Variants in SPATA13 observed in about 807,000 individuals in gnomAD.
The protein encoded by SPATA13 is spermatogenesis associated 13.
Under a neutral mutation model 104.0 loss-of-function variants are expected in SPATA13, and 50 were observed. The observed-to-expected ratio is 0.48, with a 90% CI of 0.38 to 0.61. The LOEUF (loss-of-function observed/expected upper bound fraction) is 0.61. Among genes scored for constraint, SPATA13 ranks in the 20% least tolerant of loss-of-function variants. SPATA13 has a pLI of 0.00. For missense variants in SPATA13, 1,524 were observed against 1,690.6 expected (o/e 0.90, Z 1.73); for synonymous variants, 606 against 667.5 (o/e 0.91, Z 1.42).
chr13:24,155,154 T>C (rs961439030), intron 3 of SPATA13, among the ~76,000 whole-genome samples: 8 of 152,156 alleles, frequency 5.3e-5, no homozygotes, highest in Non-Finnish European at 8.8e-5. Flanking sequence ...GGTTGGTTAT[T>C]ATTATTTCTA....
In SPATA13 at chr13:24,251,744, T is replaced by A. The variant is rs909101372; in HGVS notation, c.2046T>A (p.Ala682=). The change falls in exon 4 of 13, where the codon GCT becomes GCA. Residue 682 remains alanine, a synonymous_variant. Coordinates refer to ENST00000382108, the MANE Select transcript of SPATA13 (RefSeq NM_001166271.3). ...TQPASRPPMP[A]HQVPPYKAVS... The stretch of plus-strand genomic sequence containing the variant: ...CGGCTTCCAGGCCGCCCATGCCTGC[T>A]CACCAGGTGCCACCCTACAAGGCTG... 1 of 1,614,058 alleles carries A rather than the reference T, an allele frequency of 6.2e-7. No homozygotes were observed. Among genetic ancestry groups the A allele is most frequent in the African/African-American group, 1.3e-5 (1 of 74,942 alleles).
At chr13:24,067,806 G>T (rs1038076562) in intron 3 of SPATA13, among the ~76,000 whole-genome samples, 1 of 152,144 alleles carries the variant, frequency 6.6e-6, no homozygotes, top group African/African-American at 2.4e-5. Context: ...CCAGGATCAA[G>T]TGATTCTCCT....
At chr13:24,222,555 C>T (rs1050809337) in intron 1 of SPATA13, among the ~76,000 whole-genome samples, 9 of 151,972 alleles carry the variant, frequency 5.9e-5, no homozygotes, top group Non-Finnish European at 1.2e-4. Flanking sequence ...TTTTCCTAGT[C>T]TCACCTACAC....
At chr13:24,285,067 A>T (rs1875828919) in intron 5 of SPATA13, among the ~76,000 whole-genome samples, 1 of 152,094 alleles carries the variant, frequency 6.6e-6, no homozygotes, top group South Asian at 2.1e-4. Flanking sequence ...CTTGAGCAGA[A>T]CGTGTGGAGC....
At chr13:24,114,130 G>A (rs894685240) in intron 3 of SPATA13, among the ~76,000 whole-genome samples, 1 of 152,146 alleles carries the variant, frequency 6.6e-6, no homozygotes, top group Non-Finnish European at 1.5e-5. Context: ...GTAGACTTTG[G>A]TTAGATTGTA....
chr13:24,094,273 T>C (rs1333289309), intron 3 of SPATA13, among the ~76,000 whole-genome samples: 3 of 152,202 alleles, frequency 2.0e-5, no homozygotes, highest in Admixed American at 1.3e-4. Context: ...GCCTCACAAA[T>C]GGGAACTCAG....
chr13:24,192,830 A>G (rs994406665), intron 1 of SPATA13, among the ~76,000 whole-genome samples: 1 of 152,138 alleles, frequency 6.6e-6, no homozygotes, highest in Non-Finnish European at 1.5e-5. Flanking sequence ...GGCCTTCTGC[A>G]TGGGTGGAAC....
chr13:24,298,302 C>G (rs1876937124), intron 11 of SPATA13, among the ~76,000 whole-genome samples: 1 of 152,194 alleles, frequency 6.6e-6, no homozygotes, highest in African/African-American at 2.4e-5. Context: ...TTGATCCACA[C>G]CCAGCAGCCT....
intron 10 of SPATA13, 49 bp from the exon 11 acceptor site, chr13:24,297,314 C>T (rs1253829874): frequency 3.2e-6 from 5 of 1,555,956 alleles, no homozygotes; most frequent in South Asian, 2.4e-5. Flanking sequence ...GCTAGGACTA[C>T]AGCTGTGGTA....
chr13:24,212,415 G>A (rs1235530476), intron 1 of SPATA13, among the ~76,000 whole-genome samples: 2 of 152,096 alleles, frequency 1.3e-5, no homozygotes, highest in East Asian at 3.8e-4. Flanking sequence ...AGGTAGCTTT[G>A]CCTGCGTTCC....
upstream of SPATA13, among the ~76,000 whole-genome samples, chr13:24,157,058 C>A (rs1454823860): frequency 1.3e-5 from 2 of 152,206 alleles, no homozygotes; most frequent in African/African-American, 2.4e-5. Flanking sequence ...GACCTCCCAG[C>A]TCCTTTGCCT....
chr13:24,065,730 A>G (rs778632275), intron 3 of SPATA13, among the ~76,000 whole-genome samples: 1 of 152,264 alleles, frequency 6.6e-6, no homozygotes, highest in Non-Finnish European at 1.5e-5. Context: ...TATTTATGAT[A>G]GTTTCATAGA....
At chr13:24,041,387 T>C (rs1250405316) in intron 3 of SPATA13, among the ~76,000 whole-genome samples, 1 of 152,212 alleles carries the variant, frequency 6.6e-6, no homozygotes, top group East Asian at 1.9e-4. Flanking sequence ...CAGGTCAGAG[T>C]AGCATAATCC....
chr13:24,290,927 C>T, intron 9 of SPATA13, 43 bp downstream of exon 9: 1 of 1,515,648 alleles, frequency 6.6e-7, no homozygotes, highest in Non-Finnish European at 9.1e-7. Context: ...GCACTGCTGC[C>T]ATTACCCGTA....
rs190388521 is a variant in SPATA13 at position 24,191,869 on chromosome 13, G to T, written c.-112+30937G>T. Among the ~76,000 whole-genome samples, 8 of 152,204 alleles carry T rather than the reference G, an allele frequency of 5.3e-5. No individual in the cohort carries two copies. The East Asian group carries it at 1.5e-3, about 29-fold the overall frequency. On this transcript the variant is annotated intron_variant, in intron 1 of 12. Coordinates refer to ENST00000382108, the MANE Select transcript of SPATA13 (RefSeq NM_001166271.3). ...ACCTCATCAGAGTAATGAAAATGTTGCAGAATTTTGCTCCTTAGTTCAGCT... is the reference window on the plus strand; with the variant it reads ...ACCTCATCAGAGTAATGAAAATGTTTCAGAATTTTGCTCCTTAGTTCAGCT...
chr13:24,265,966 T>C (rs1020080070), intron 4 of SPATA13, among the ~76,000 whole-genome samples: 1 of 152,156 alleles, frequency 6.6e-6, no homozygotes, highest in East Asian at 1.9e-4. Context: ...GAAGAAAATA[T>C]CTACCATGTC....
chr13:24,081,544 C>T (rs1216857084), intron 3 of SPATA13, among the ~76,000 whole-genome samples: 1 of 151,952 alleles, frequency 6.6e-6, no homozygotes, highest in Non-Finnish European at 1.5e-5. Flanking sequence ...TGTGATGACT[C>T]ATGCATGTAA....
At chr13:24,005,610 G>A (rs1455687554) in intron 2 of SPATA13, among the ~76,000 whole-genome samples, 1 of 152,140 alleles carries the variant, frequency 6.6e-6, no homozygotes. Context: ...GTGGGGACAG[G>A]GGGTGGGAGA....
At chr13:24,005,269 C>T (rs564937538) in intron 2 of SPATA13, among the ~76,000 whole-genome samples, 3 of 152,218 alleles carry the variant, frequency 2.0e-5, no homozygotes, top group East Asian at 1.9e-4. Context: ...AAATTTTTAC[C>T]GTGTTTGCTA....
Sources: gnomAD v4.1 joint callset for allele counts (sites outside exome capture counted in the v4.1 genomes callset) on GRCh38, gnomAD v4.1.1 for gene constraint, MANE v1.5 for transcripts, NCBI Gene and HGNC (gene_info 2026-07-23, HGNC 2026-07-21) for gene names.